The following SPAG16 variants were observed in gnomAD, a reference collection of about 807,000 sequenced individuals.
The protein encoded by SPAG16 is sperm-associated antigen 16 protein.
SPAG16 carries 86 observed loss-of-function variants against 80.4 expected under a neutral mutation model. The ratio of observed to expected loss-of-function variants is 1.07; its 90% CI spans 0.90 to 1.28. The LOEUF is 1.28. Ranked by LOEUF, SPAG16 falls within the 50% of genes most tolerant of loss-of-function variation. The pLI is 0.00. For synonymous variants in SPAG16, 294 were observed against 265.9 expected (o/e 1.11, Z -1.03); for missense variants, 870 against 765.3 (o/e 1.14, Z -1.61).
intron 13 of SPAG16, among the ~76,000 whole-genome samples, chr2:214,062,909 A>C (rs1233365654): frequency 6.6e-6 from 1 of 152,190 alleles, no homozygotes; most frequent in Non-Finnish European, 1.5e-5. Flanking sequence ...TCTAATGATG[A>C]AATGTAATGT....
At chr2:214,403,586 A>T (rs1320623887) in intron 15 of SPAG16, among the ~76,000 whole-genome samples, 1 of 152,128 alleles carries the variant, frequency 6.6e-6, no homozygotes, top group Non-Finnish European at 1.5e-5. Context: ...CATAGCTGCT[A>T]TAATGGATAT....
chr2:213,296,976 T>G (rs1480000899), intron 2 of SPAG16: 1 of 1,011,304 alleles, frequency 9.9e-7, no homozygotes, highest in Non-Finnish European at 1.3e-6. Flanking sequence ...TTAGATAGCC[T>G]TATTATTTTT....
intron 15 of SPAG16, among the ~76,000 whole-genome samples, chr2:214,295,565 T>C (rs1005972549): frequency 6.6e-6 from 1 of 151,872 alleles, no homozygotes; most frequent in African/African-American, 2.4e-5. Context: ...CCGAGGTGGG[T>C]GGATTGCTTT....
rs554985416 is a variant in SPAG16 at position 213,952,032 on chromosome 2, C to A, written c.1400+21887C>A. Among the ~76,000 whole-genome samples, 7 of 152,136 alleles carry A rather than the reference C, an allele frequency of 4.6e-5. No homozygotes were observed. In the East Asian group the frequency reaches 1.3e-3, roughly 29 times the overall value. Reference sequence around the variant, plus strand: ...GGCTTTCATGATAAATTAATATATTCTAAGAATATTACTTATGGACAATCA... The same window carrying A: ...GGCTTTCATGATAAATTAATATATTATAAGAATATTACTTATGGACAATCA... On this transcript the variant is annotated intron_variant, in intron 12 of 15. Coordinates refer to ENST00000331683, the MANE Select transcript of SPAG16 (RefSeq NM_024532.5).
chr2:213,657,555 C>G (rs1413870310), intron 10 of SPAG16, among the ~76,000 whole-genome samples: 2 of 152,044 alleles, frequency 1.3e-5, no homozygotes, highest in Non-Finnish European at 2.9e-5. Flanking sequence ...AAAGTATGCT[C>G]TTTTAAATTT....
chr2:213,588,402 G>A (rs1161684990), intron 10 of SPAG16, among the ~76,000 whole-genome samples: 1 of 151,048 alleles, frequency 6.6e-6, no homozygotes, highest in Non-Finnish European at 1.5e-5. Flanking sequence ...CCGTTAGAAA[G>A]CTTCAAAATT....
At chr2:213,968,257 C>T (rs2044822353) in intron 12 of SPAG16, among the ~76,000 whole-genome samples, 1 of 152,062 alleles carries the variant, frequency 6.6e-6, no homozygotes, top group Admixed American at 6.6e-5. Context: ...TCACTGCAAT[C>T]TCCGCCTCCC....
chr2:214,114,199 G>T lies in SPAG16; in HGVS notation c.1593+5938G>T, dbSNP rs931449774. On this transcript the variant is annotated intron_variant, in intron 14 of 15. Coordinates refer to ENST00000331683, the MANE Select transcript of SPAG16 (RefSeq NM_024532.5). The stretch of plus-strand genomic sequence containing the variant: ...TTGCTGCCTGATCCTTCCTCTGGAA[G>T]CTTTGTCCTAGAGGGGCACCCGCCT... 5.3e-5 allele frequency among the ~76,000 whole-genome samples: 8 copies of T among 152,164 alleles called. 1 individual carries two copies. The highest frequency in any genetic ancestry group is 1.9e-4 in the African/African-American group (8 of 41,452).
chr2:213,462,230 T>C (rs181449459), intron 9 of SPAG16, among the ~76,000 whole-genome samples: 21 of 152,188 alleles, frequency 1.4e-4, no homozygotes, highest in Admixed American at 7.2e-4. Context: ...ATTCCTACAG[T>C]CAAAGGCAAT....
At chr2:213,678,855 C>T (rs926694523) in intron 10 of SPAG16, among the ~76,000 whole-genome samples, 1 of 152,126 alleles carries the variant, frequency 6.6e-6, no homozygotes, top group Non-Finnish European at 1.5e-5. Context: ...TGGGTGAGGA[C>T]ACTCTACTCT....
chr2:214,229,126 T>C (rs1688507379), intron 15 of SPAG16, among the ~76,000 whole-genome samples: 1 of 151,498 alleles, frequency 6.6e-6, no homozygotes, highest in East Asian at 1.9e-4. Flanking sequence ...CTTTCTCTTA[T>C]GGATCTTGCC....
At chr2:213,534,740 T>C (rs2076184022) in intron 10 of SPAG16, among the ~76,000 whole-genome samples, 1 of 152,050 alleles carries the variant, frequency 6.6e-6, no homozygotes, top group South Asian at 2.1e-4. Context: ...GGAAAGGGAA[T>C]GAAAGGAAAG....
chr2:214,293,265 C>G (rs1366580024), intron 15 of SPAG16, among the ~76,000 whole-genome samples: 2 of 152,048 alleles, frequency 1.3e-5, no homozygotes, highest in African/African-American at 2.4e-5. Flanking sequence ...AGTGGAACAC[C>G]AATTCATGTT....
intron 12 of SPAG16, among the ~76,000 whole-genome samples, chr2:214,004,411 G>GT (rs976490958): frequency 6.6e-5 from 10 of 152,112 alleles, no homozygotes; most frequent in African/African-American, 9.7e-5. Context: ...GAGGCAAGCT[G>GT]TTCCTCCTGA....
chr2:213,464,428 A>G (rs751190227), intron 9 of SPAG16, among the ~76,000 whole-genome samples: 4 of 152,226 alleles, frequency 2.6e-5, no homozygotes, highest in Non-Finnish European at 4.4e-5. Context: ...CCTGGGTGAC[A>G]GCAACCTTGA....
chr2:213,469,818 C>T (rs552831917), intron 9 of SPAG16, among the ~76,000 whole-genome samples: 4 of 152,130 alleles, frequency 2.6e-5, no homozygotes, highest in African/African-American at 9.6e-5. Flanking sequence ...TCACATCAGC[C>T]AACGCTGTAA....
intron 11 of SPAG16, among the ~76,000 whole-genome samples, chr2:213,872,939 A>G (rs2076007512): frequency 6.6e-6 from 1 of 151,498 alleles, no homozygotes; most frequent in Non-Finnish European, 1.5e-5. Context: ...CTAGTTGCTT[A>G]TGATATACAG....
At chr2:214,253,835 G>T (rs1199902553) in intron 15 of SPAG16, among the ~76,000 whole-genome samples, 1 of 152,042 alleles carries the variant, frequency 6.6e-6, no homozygotes, top group African/African-American at 2.4e-5. Context: ...TTCCAGTTCT[G>T]TGAGGAAAGT....
At chr2:213,434,730 C>T (rs1388110807) in intron 9 of SPAG16, among the ~76,000 whole-genome samples, 1 of 152,144 alleles carries the variant, frequency 6.6e-6, no homozygotes, top group Non-Finnish European at 1.5e-5. Context: ...CATCAGGGAA[C>T]TGCAAATTAA....
Sources: gnomAD v4.1 joint callset for allele counts (sites outside exome capture counted in the v4.1 genomes callset) on GRCh38, gnomAD v4.1.1 for gene constraint, MANE v1.5 for transcripts, NCBI Gene and HGNC (gene_info 2026-07-23, HGNC 2026-07-21) for gene names.